Variants in SLC39A9 observed in about 807,000 individuals in gnomAD.
SLC39A9 encodes the protein solute carrier family 39 member 9.
SLC39A9 carries 14 observed loss-of-function variants against 28.4 expected under a neutral mutation model. That is an observed-to-expected ratio of 0.49 (90% confidence interval 0.33 to 0.77). The LOEUF is 0.77. SLC39A9 is among the 30% of genes least tolerant of loss of function. The pLI is 0.02. For synonymous variants in SLC39A9, 119 were observed against 149.6 expected, an observed-to-expected ratio of 0.80 and a Z score of 1.49; for missense variants, 283 against 381.1, an observed-to-expected ratio of 0.74 and a Z score of 2.14.
chr14:69,447,289 A>T (rs892367363), intron 3 of SLC39A9, among the ~76,000 whole-genome samples: 19 of 152,248 alleles, frequency 1.2e-4, no homozygotes. Context: ...TGCTGGACAG[A>T]ATTCAAAAAA....
At chr14:69,413,065 T>C (rs1883359177) in intron 1 of SLC39A9, among the ~76,000 whole-genome samples, 1 of 152,106 alleles carries the variant, frequency 6.6e-6, no homozygotes, top group South Asian at 2.1e-4. Context: ...ATTTAAAATT[T>C]CAAAGACTCG....
At chr14:69,408,618 A>G (rs1299101050) in intron 1 of SLC39A9, among the ~76,000 whole-genome samples, 3 of 152,208 alleles carry the variant, frequency 2.0e-5, no homozygotes, top group African/African-American at 7.2e-5. Flanking sequence ...CTGGATTTTT[A>G]TATGAAGTCT....
chr14:69,418,003 T>C (rs979704209), intron 1 of SLC39A9, among the ~76,000 whole-genome samples: 2 of 152,166 alleles, frequency 1.3e-5, no homozygotes, highest in Non-Finnish European at 2.9e-5. Flanking sequence ...TCCAACACTA[T>C]GTTGAATGGG....
At chr14:69,422,349 A>G (rs1007071498) in intron 1 of SLC39A9, among the ~76,000 whole-genome samples, 2 of 152,122 alleles carry the variant, frequency 1.3e-5, no homozygotes, top group Non-Finnish European at 2.9e-5. Context: ...CACCCTCCCC[A>G]TATCTGGGAC....
chr14:69,430,628 C>CTTTTTTTTT (rs71446389), intron 2 of SLC39A9, among the ~76,000 whole-genome samples: 1 of 137,746 alleles, frequency 7.3e-6, no homozygotes, highest in Non-Finnish European at 1.5e-5. Flanking sequence ...ATTTTTCTTT[C>CTTTTTTTTT]TTTTTTTTTT....
At position 69,461,787 on chromosome 14, in the gene SLC39A9, A is replaced by G; in HGVS notation, c.*3194A>G. On this transcript the variant is annotated 3_prime_UTR_variant, in exon 7 of 7. Transcript: ENST00000336643. ...GGACTGAACACAGGAACCGTATGAC[A>G]GCAGCACAAACCCCCAAAGGATGTT... 6.6e-7 allele frequency: 1 copy of G among 1,520,418 alleles called. No homozygotes were observed. The highest frequency in any genetic ancestry group is 8.8e-7 in the Non-Finnish European group (1 of 1,136,306). The allele number at this position is 1,520,418 out of a possible 1,614,324, so 94.2% of individuals were successfully genotyped here.
At chr14:69,410,207 T>G (rs1017960379) in intron 1 of SLC39A9, among the ~76,000 whole-genome samples, 3 of 152,262 alleles carry the variant, frequency 2.0e-5, no homozygotes, top group Non-Finnish European at 2.9e-5. Context: ...AATAAAGTAC[T>G]TGCTTGTTAT....
chr14:69,440,274 A>G lies in SLC39A9; in HGVS notation c.206-1795A>G, dbSNP rs1456116840. ...TGCACTCCAACCTGGGTACAGAGTGAGACTCTGTCTCAAAAACATAAGAAT... is the reference window on the plus strand; with the variant it reads ...TGCACTCCAACCTGGGTACAGAGTGGGACTCTGTCTCAAAAACATAAGAAT... On this transcript the variant is annotated intron_variant, in intron 2 of 6. Coordinates refer to ENST00000336643, the MANE Select transcript of SLC39A9 (RefSeq NM_018375.5). Among the ~76,000 whole-genome samples, 12 of 152,184 alleles carry G rather than the reference A, an allele frequency of 7.9e-5. No individual in the cohort carries two copies. The South Asian group carries it at 8.3e-4, about 11-fold the overall frequency.
intron 6 of SLC39A9, among the ~76,000 whole-genome samples, chr14:69,457,306 G>A (rs935716242): frequency 6.6e-6 from 1 of 151,952 alleles, no homozygotes; most frequent in Non-Finnish European, 1.5e-5. Context: ...AGGTTCAGAC[G>A]ATTCTCCTGC....
At chr14:69,450,106 T>C (rs1183266566) in intron 3 of SLC39A9, among the ~76,000 whole-genome samples, 1 of 152,078 alleles carries the variant, frequency 6.6e-6, no homozygotes, top group African/African-American at 2.4e-5. Context: ...CAAGAATCGC[T>C]TGAACCTGGG....
At position 69,417,481 on chromosome 14, in the gene SLC39A9, TTAAAG is replaced by T. The variant is rs1349501550; in HGVS notation, c.97-6610_97-6606del. 7.2e-5 allele frequency among the ~76,000 whole-genome samples: 11 copies of T among 152,346 alleles called. No individual in the cohort carries two copies. In the East Asian group the frequency reaches 1.9e-3, roughly 27 times the overall value. ...CCTGTTTTTTGGTTCTATATGAACT[TTAAAG>T]TAGTTTTTTCCAATTCTGTGAAGAA... On this transcript the variant is annotated intron_variant, in intron 1 of 6. Coordinates refer to ENST00000336643, the MANE Select transcript of SLC39A9 (RefSeq NM_018375.5).
chr14:69,400,789 C>T (rs943573464), intron 1 of SLC39A9, among the ~76,000 whole-genome samples: 2 of 152,004 alleles, frequency 1.3e-5, no homozygotes, highest in Non-Finnish European at 1.5e-5. Context: ...TTTTCTGTTT[C>T]CTTTTTAATC....
intron 3 of SLC39A9, among the ~76,000 whole-genome samples, chr14:69,449,865 A>G (rs374467814): frequency 2.0e-5 from 3 of 150,688 alleles, no homozygotes; most frequent in Admixed American, 6.6e-5. Context: ...GTGTGTGTGT[A>G]TACACATGTG....
intron 1 of SLC39A9, among the ~76,000 whole-genome samples, chr14:69,407,496 C>T (rs1164858128): frequency 6.6e-6 from 1 of 151,986 alleles, no homozygotes; most frequent in Middle Eastern, 3.2e-3. Context: ...CACCACCACG[C>T]CCCACTAATT....
upstream of SLC39A9, chr14:69,398,401 C>T: frequency 1.2e-6 from 1 of 847,264 alleles, no homozygotes. Flanking sequence ...CTTCCGGCAG[C>T]TAGAGCAGCT....
intron 2 of SLC39A9, 122 bp downstream of exon 2, chr14:69,424,324 A>G: frequency 1.4e-6 from 1 of 691,586 alleles, no homozygotes; most frequent in Non-Finnish European, 2.5e-6. Context: ...CCCTGAGAAG[A>G]TTTGTTGAGA....
At chr14:69,446,007 A>G (rs941237132) in intron 3 of SLC39A9, among the ~76,000 whole-genome samples, 1 of 149,918 alleles carries the variant, frequency 6.7e-6, no homozygotes, top group African/African-American at 2.5e-5. Flanking sequence ...AAAACCATAA[A>G]CAAATACTGA....
chr14:69,421,485 C>T (rs919968797), intron 1 of SLC39A9, among the ~76,000 whole-genome samples: 14 of 152,230 alleles, frequency 9.2e-5, no homozygotes, highest in African/African-American at 3.4e-4. Context: ...GGCAGTCTGT[C>T]TATTCTCAGA....
At chr14:69,432,420 C>T (rs938729305) in intron 2 of SLC39A9, among the ~76,000 whole-genome samples, 5 of 151,824 alleles carry the variant, frequency 3.3e-5, no homozygotes, top group Non-Finnish European at 5.9e-5. Flanking sequence ...TTACTTGTTC[C>T]GTTTTTTAAG....
Sources: gnomAD v4.1 joint callset for allele counts (sites outside exome capture counted in the v4.1 genomes callset) on GRCh38, gnomAD v4.1.1 for gene constraint, MANE v1.5 for transcripts, NCBI Gene and HGNC (gene_info 2026-07-23, HGNC 2026-07-21) for gene names.